CTIF: variants seen among roughly 807,000 people sequenced by gnomAD.
CTIF encodes CBP80/20-dependent translation initiation factor.
CTIF carries 21 observed loss-of-function variants against 66.0 expected under a neutral mutation model. The ratio of observed to expected loss-of-function variants is 0.32; its 90% CI spans 0.23 to 0.46. CTIF has a LOEUF of 0.46. Ranked by LOEUF, CTIF falls within the 20% of genes least tolerant of loss-of-function variation. CTIF has a pLI of 1.00. For synonymous variants in CTIF, 345 were observed against 326.4 expected, an observed-to-expected ratio of 1.06 and a Z score of -0.62; for missense variants, 739 against 812.7, an observed-to-expected ratio of 0.91 and a Z score of 1.10.
At chr18:48,713,727 C>T (rs547370631) in intron 7 of CTIF, among the ~76,000 whole-genome samples, 3 of 152,208 alleles carry the variant, frequency 2.0e-5, no homozygotes, top group South Asian at 4.2e-4. Context: ...AAGATTTATA[C>T]GGAGAGATGA....
chr18:48,790,749 C>T (rs895848531), intron 9 of CTIF, among the ~76,000 whole-genome samples: 1 of 152,220 alleles, frequency 6.6e-6, no homozygotes, highest in Non-Finnish European at 1.5e-5. Flanking sequence ...GTTCCCACTT[C>T]AGACCCCGCC....
chr18:48,797,967 G>T (rs1016178156), intron 9 of CTIF, among the ~76,000 whole-genome samples: 1 of 152,150 alleles, frequency 6.6e-6, no homozygotes, highest in Non-Finnish European at 1.5e-5. Context: ...ACCCTGCCAG[G>T]CCTCTCTGCT....
intron 1 of CTIF, among the ~76,000 whole-genome samples, chr18:48,614,466 G>C (rs1470269872): frequency 6.6e-6 from 1 of 152,150 alleles, no homozygotes; most frequent in Admixed American, 6.5e-5. Flanking sequence ...CCCATCAGTG[G>C]ATGAATGGAT....
At chr18:48,754,278 G>A (rs1244326254) in intron 7 of CTIF, among the ~76,000 whole-genome samples, 2 of 152,228 alleles carry the variant, frequency 1.3e-5, no homozygotes, top group Admixed American at 6.5e-5. Context: ...ACAGATGGGA[G>A]GTGGCTGCAA....
Position 48,757,972 on chromosome 18 carries a change from A to C in CTIF, c.638A>C (p.Gln213Pro). The change falls in exon 8 of 12, where the codon CAG becomes CCG. Residue 213 changes from glutamine to proline, a missense_variant. Physicochemically the swap from Gln to Pro is moderately conservative, Grantham distance 76. Transcript: ENST00000256413. ...GNKPQQHGDHQPGSAKHNRDH... is the reference protein window; with the variant it reads ...GNKPQQHGDHPPGSAKHNRDH... ...AAGCCCCAACAGCATGGTGACCACC[A>C]GCCAGGCAGTGCCAAACACAACAGG... is the stretch of plus-strand genomic sequence containing the variant. 6.2e-7 allele frequency: 1 copy of C among 1,613,958 alleles called. No individual in the cohort carries two copies.
chr18:48,667,004 G>A (rs1370906895), intron 5 of CTIF, among the ~76,000 whole-genome samples: 1 of 150,824 alleles, frequency 6.6e-6, no homozygotes, highest in Non-Finnish European at 1.5e-5. Context: ...GCAGGATTTT[G>A]CTTTTCTCAA....
At chr18:48,827,571 A>G (rs891495057) in intron 10 of CTIF, among the ~76,000 whole-genome samples, 2 of 152,220 alleles carry the variant, frequency 1.3e-5, no homozygotes. Context: ...AAGGGCTAGA[A>G]TGCAGCTTGA....
intron 1 of CTIF, chr18:48,540,163 T>C (rs990955914): frequency 2.0e-5 from 3 of 152,076 alleles, no homozygotes; most frequent in African/African-American, 7.2e-5. Context: ...ACGGTTGTGG[T>C]TCTGTTGGCT....
intron 1 of CTIF, among the ~76,000 whole-genome samples, chr18:48,599,353 A>G (rs1420970961): frequency 2.0e-5 from 3 of 152,080 alleles, no homozygotes; most frequent in Non-Finnish European, 4.4e-5. Flanking sequence ...TGTTCATAAA[A>G]ATGCCAAAAT....
At chr18:48,714,769 T>TC (rs1283347270) in intron 7 of CTIF, among the ~76,000 whole-genome samples, 1 of 152,218 alleles carries the variant, frequency 6.6e-6, no homozygotes, top group Admixed American at 6.5e-5. Flanking sequence ...TGGATGGGAA[T>TC]CCCACCTCCT....
intron 7 of CTIF, among the ~76,000 whole-genome samples, chr18:48,714,256 G>A (rs1305578242): frequency 6.6e-6 from 1 of 152,108 alleles, no homozygotes; most frequent in Non-Finnish European, 1.5e-5. Context: ...TAATATTCTG[G>A]GCTTAAACTA....
At chr18:48,677,292 G>C (rs1441891520) in intron 6 of CTIF, among the ~76,000 whole-genome samples, 1 of 152,134 alleles carries the variant, frequency 6.6e-6, no homozygotes, top group Non-Finnish European at 1.5e-5. Context: ...CGGAGGTGAG[G>C]TCTGACCTTA....
chr18:48,761,834 A>G lies in CTIF; in HGVS notation c.1371+145A>G. ...TGCCCGATTAATTATAGAAAACACA[A>G]AGGCAGTTAAGGGGCCAGGAATGAG... On this transcript the variant is annotated intron_variant, in intron 9 of 11. Coordinates refer to ENST00000256413, the MANE Select transcript of CTIF (RefSeq NM_014772.3). This position sits in a 1 kb window ranked among gnomAD's most constrained non-coding sequence, Gnocchi z 4.2. 6.3e-6 allele frequency: 5 copies of G among 792,224 alleles called. No individual in the cohort carries two copies. The highest frequency in any genetic ancestry group is 7.8e-6 in the Non-Finnish European group (4 of 511,598). The allele number at this position is 792,224 out of a possible 1,614,324, so 49.1% of individuals were successfully genotyped here.
intron 1 of CTIF, among the ~76,000 whole-genome samples, chr18:48,599,587 T>C (rs1289255190): frequency 2.6e-5 from 4 of 152,176 alleles, no homozygotes; most frequent in Non-Finnish European, 4.4e-5. Flanking sequence ...TCGTAAACAA[T>C]TCCTGAGGGC....
chr18:48,819,459 G>T (rs988360668), intron 10 of CTIF, among the ~76,000 whole-genome samples: 2 of 152,320 alleles, frequency 1.3e-5, no homozygotes, highest in East Asian at 1.9e-4. Flanking sequence ...GACACCTCCT[G>T]GTGTTGTCGT....
At chr18:48,720,503 C>T (rs1003442944) in intron 7 of CTIF, among the ~76,000 whole-genome samples, 1 of 152,126 alleles carries the variant, frequency 6.6e-6, no homozygotes, top group Non-Finnish European at 1.5e-5. Flanking sequence ...GGAAATTGCC[C>T]TCATTAAGTC....
intron 10 of CTIF, among the ~76,000 whole-genome samples, chr18:48,836,438 C>T (rs1024170252): frequency 6.6e-6 from 1 of 152,148 alleles, no homozygotes; most frequent in Non-Finnish European, 1.5e-5. Flanking sequence ...ACCCCTCCAC[C>T]ACCCTGCTGC....
chr18:48,736,931 A>T (rs2092508717), intron 7 of CTIF, among the ~76,000 whole-genome samples: 1 of 152,020 alleles, frequency 6.6e-6, no homozygotes, highest in African/African-American at 2.4e-5. Context: ...CACAGCCGTG[A>T]ACTCCCTAGA....
intron 10 of CTIF, among the ~76,000 whole-genome samples, chr18:48,821,544 G>T (rs1052931560): frequency 2.0e-5 from 3 of 152,186 alleles, no homozygotes; most frequent in Non-Finnish European, 4.4e-5. Flanking sequence ...GCACCTATAT[G>T]GTAGGATCCC....
Sources: gnomAD v4.1 joint callset for allele counts (sites outside exome capture counted in the v4.1 genomes callset) on GRCh38, gnomAD v4.1.1 for gene constraint, Gnocchi (gnomAD v3.1) non-coding constraint, MANE v1.5 for transcripts, NCBI Gene and HGNC (gene_info 2026-07-23, HGNC 2026-07-21) for gene names.